Variants in SH3RF1 observed in about 807,000 individuals in gnomAD.
The protein encoded by SH3RF1 is SH3 domain containing ring finger 1.
Under a neutral mutation model 74.0 loss-of-function variants are expected in SH3RF1, and 32 were observed. That is an observed-to-expected ratio of 0.43 (90% CI 0.33 to 0.58). The LOEUF is 0.58. Among genes scored for constraint, SH3RF1 ranks in the 20% least tolerant of loss-of-function variants. SH3RF1 has a pLI of 0.05. For missense variants in SH3RF1, 954 were observed against 1,130.9 expected (o/e 0.84, Z 2.24); for synonymous variants, 396 against 439.6 (o/e 0.90, Z 1.24).
intron 4 of SH3RF1, among the ~76,000 whole-genome samples, chr4:169,150,964 T>C (rs901803794): frequency 2.0e-5 from 3 of 152,152 alleles, no homozygotes. Flanking sequence ...CCAGCTGGTC[T>C]GAAGAATGTA....
chr4:169,161,686 A>C (rs779550238), intron 2 of SH3RF1, among the ~76,000 whole-genome samples: 3 of 152,254 alleles, frequency 2.0e-5, no homozygotes, highest in Non-Finnish European at 4.4e-5. Context: ...AATCTAGAAG[A>C]CACTCTTGTA....
Position 169,123,073 on chromosome 4 carries a change from G to A in SH3RF1, c.1180-807C>T, listed in dbSNP as rs147564372. 3.5e-4 allele frequency among the ~76,000 whole-genome samples: 54 copies of A among 152,136 alleles called. 1 individual carries two copies. The highest frequency in any genetic ancestry group is 3.1e-3 in the Admixed American group (47 of 15,292). On this transcript the variant is annotated intron_variant, in intron 6 of 11. Transcript: ENST00000284637. ...CAAAGACTGCCTGAACCGCTACCTCGTCCTCTCCAGATCTTTGAACAACTA... is the reference window on the plus strand; with the variant it reads ...CAAAGACTGCCTGAACCGCTACCTCATCCTCTCCAGATCTTTGAACAACTA...
At chr4:169,259,076 A>G (rs1731234282) in intron 2 of SH3RF1, among the ~76,000 whole-genome samples, 1 of 152,168 alleles carries the variant, frequency 6.6e-6, no homozygotes, top group South Asian at 2.1e-4. Context: ...CTTTCTGTAT[A>G]AATGTTGATT....
At chr4:169,172,822 A>G (rs897653100) in intron 2 of SH3RF1, among the ~76,000 whole-genome samples, 1 of 152,172 alleles carries the variant, frequency 6.6e-6, no homozygotes, top group African/African-American at 2.4e-5. Flanking sequence ...GTGGGATGTA[A>G]TGGTAACCAG....
intron 4 of SH3RF1, among the ~76,000 whole-genome samples, chr4:169,152,721 G>C (rs1005275972): frequency 6.6e-6 from 1 of 152,182 alleles, no homozygotes; most frequent in Non-Finnish European, 1.5e-5. Flanking sequence ...TGCGCAACAA[G>C]AGCGAAACTC....
intron 2 of SH3RF1, among the ~76,000 whole-genome samples, chr4:169,175,894 A>T (rs1287830420): frequency 6.6e-6 from 1 of 152,164 alleles, no homozygotes; most frequent in Non-Finnish European, 1.5e-5. Context: ...GACCTTTGGA[A>T]GGTAATTAGG....
chr4:169,232,939 TGCA>T (rs1411866987), intron 2 of SH3RF1, among the ~76,000 whole-genome samples: 2 of 152,138 alleles, frequency 1.3e-5, no homozygotes, highest in African/African-American at 4.8e-5. Flanking sequence ...AGCCTTCGTA[TGCA>T]GCAGATTATA....
chr4:169,116,981 A>G (rs921474919), intron 9 of SH3RF1, among the ~76,000 whole-genome samples: 1 of 152,010 alleles, frequency 6.6e-6, no homozygotes, highest in Non-Finnish European at 1.5e-5. Flanking sequence ...TCCTTTTCCT[A>G]TTATTCATTC....
intron 2 of SH3RF1, chr4:169,201,693 T>C (rs1044964786): frequency 6.6e-6 from 1 of 152,228 alleles, no homozygotes; most frequent in Non-Finnish European, 1.5e-5. Context: ...ATTTCCATGG[T>C]AACTTCCTGT....
intron 4 of SH3RF1, among the ~76,000 whole-genome samples, chr4:169,138,329 G>C (rs1208943622): frequency 6.6e-6 from 1 of 152,134 alleles, no homozygotes; most frequent in Non-Finnish European, 1.5e-5. Flanking sequence ...TGGGTGTAAG[G>C]AGCCTGGAAA....
chr4:169,194,305 GAC>G (rs912001108), intron 2 of SH3RF1, among the ~76,000 whole-genome samples: 4 of 152,154 alleles, frequency 2.6e-5, no homozygotes, highest in African/African-American at 9.7e-5. Flanking sequence ...ACCAGGACAA[GAC>G]ACAGAGTTTG....
At chr4:169,259,846 A>T (rs904341521) in intron 2 of SH3RF1, among the ~76,000 whole-genome samples, 1 of 152,222 alleles carries the variant, frequency 6.6e-6, no homozygotes, top group Non-Finnish European at 1.5e-5. Flanking sequence ...TTTCTATCAC[A>T]AGTACATCTC....
intron 2 of SH3RF1, among the ~76,000 whole-genome samples, chr4:169,244,910 G>A (rs960578949): frequency 2.6e-5 from 4 of 152,108 alleles, no homozygotes; most frequent in African/African-American, 9.7e-5. Context: ...AAAAATACAA[G>A]TCCAGTTTTT....
intron 2 of SH3RF1, among the ~76,000 whole-genome samples, chr4:169,203,248 A>G (rs1029179323): frequency 2.0e-5 from 3 of 152,172 alleles, no homozygotes; most frequent in African/African-American, 7.2e-5. Context: ...TTGAAAGAGC[A>G]AATAAAAATA....
At chr4:169,257,841 A>G (rs1012949105) in intron 2 of SH3RF1, among the ~76,000 whole-genome samples, 1 of 152,194 alleles carries the variant, frequency 6.6e-6, no homozygotes, top group African/African-American at 2.4e-5. Flanking sequence ...CAGGCTCCCT[A>G]AACTGTCCTT....
chr4:169,100,906 G>C (rs1733015907), intron 11 of SH3RF1, among the ~76,000 whole-genome samples: 1 of 152,148 alleles, frequency 6.6e-6, no homozygotes, highest in Non-Finnish European at 1.5e-5. Context: ...GTTCCTTCTA[G>C]TGGGAGTCTC....
chr4:169,124,882 G>A (rs1225821443), intron 6 of SH3RF1, among the ~76,000 whole-genome samples: 1 of 152,178 alleles, frequency 6.6e-6, no homozygotes, highest in Non-Finnish European at 1.5e-5. Context: ...TTTCCACAGA[G>A]TAAAACCACA....
chr4:169,136,506 C>T lies in SH3RF1; in HGVS notation c.880G>A (p.Asp294Asn), dbSNP rs1262746365. 6.2e-6 allele frequency: 10 copies of T among 1,613,586 alleles called. No homozygotes were observed. Among genetic ancestry groups the T allele is most frequent in the Middle Eastern group, 1.6e-4 (1 of 6,082 alleles). The change falls in exon 5 of 12, where the codon GAC becomes AAC. Residue 294 changes from aspartate (D) to asparagine (N), a missense_variant. Asp to Asn is a conservative substitution (Grantham distance 23, BLOSUM62 1). Coordinates refer to ENST00000284637, the MANE Select transcript of SH3RF1 (RefSeq NM_020870.4). ...CGCTTTTTGGTGTTCTTCTTGGTGT[C>T]GGAGTGCTTTGGGGCAGTGCTGCTC... ...AQSSTAPKHS[D>N]TKKNTKKRHS...
chr4:169,164,275 GA>G (rs1734195745), intron 2 of SH3RF1, among the ~76,000 whole-genome samples: 8 of 152,268 alleles, frequency 5.3e-5, no homozygotes, highest in Admixed American at 4.6e-4. Context: ...ATAAATTAAT[GA>G]AAGAACAAAA....
Sources: allele counts gnomAD v4.1 joint callset (sites outside exome capture counted in the v4.1 genomes callset), GRCh38; gene constraint gnomAD v4.1.1; transcripts MANE v1.5; gene names NCBI Gene and HGNC (gene_info 2026-07-23, HGNC 2026-07-21).